KLHL11: variants seen among roughly 807,000 people sequenced by gnomAD.
KLHL11 encodes kelch-like protein 11.
A neutral mutation model predicts 56.1 loss-of-function variants in KLHL11; 26 were observed. That is an observed-to-expected ratio of 0.46 (90% CI 0.34 to 0.64). KLHL11 has a LOEUF of 0.64. Ranked by LOEUF, KLHL11 falls within the 30% of genes least tolerant of loss-of-function variation. The pLI is 0.01. For synonymous variants in KLHL11, 338 were observed against 345.8 expected (o/e 0.98, Z 0.25); for missense variants, 627 against 919.4 (o/e 0.68, Z 4.11).
At position 41,851,979 on chromosome 17, in the gene KLHL11, T is replaced by C. The variant is rs528725723; in HGVS notation, c.*1761A>G. Among the ~76,000 whole-genome samples the C allele has an allele frequency of 1.3e-5, 2 of 151,840 alleles. No individual in the cohort carries two copies. The highest frequency in any genetic ancestry group is 1.3e-4 in the Admixed American group (2 of 15,254). Reference sequence around the variant, plus strand: ...ATAAAGCTCAGGAGACATAAGATAATTCGAATAACGTATAAAACTAAATAA... The same window carrying C: ...ATAAAGCTCAGGAGACATAAGATAACTCGAATAACGTATAAAACTAAATAA... On this transcript the variant is annotated 3_prime_UTR_variant, in exon 2 of 2. Transcript: ENST00000319121.
intron 1 of KLHL11, among the ~76,000 whole-genome samples, chr17:41,863,485 C>T (rs1315735993): frequency 6.6e-6 from 1 of 152,100 alleles, no homozygotes; most frequent in Non-Finnish European, 1.5e-5. Context: ...CGTGGGCCAC[C>T]GCGCCTGGCC....
intron 1 of KLHL11, 76 bp downstream of exon 1, chr17:41,864,750 T>C: frequency 7.2e-7 from 1 of 1,384,206 alleles, no homozygotes; most frequent in Non-Finnish European, 9.5e-7. Context: ...TGGCAGGCAC[T>C]GCCCTCCCCT....
At position 41,852,949 on chromosome 17, in the gene KLHL11, T is replaced by C. The variant is rs1005841055; in HGVS notation, c.*791A>G. On this transcript the variant is annotated 3_prime_UTR_variant, in exon 2 of 2. Transcript: ENST00000319121. ...CCTGAAAAAAATGTTGAAAAAATTTTAAATGCCTTTGATTTCCCAGTCTAC... is the reference window on the plus strand; with the variant it reads ...CCTGAAAAAAATGTTGAAAAAATTTCAAATGCCTTTGATTTCCCAGTCTAC... 6.6e-6 allele frequency among the ~76,000 whole-genome samples: 1 copy of C among 152,204 alleles called. No individual in the cohort carries two copies. The highest frequency in any genetic ancestry group is 1.5e-5 in the Non-Finnish European group (1 of 68,034).
chr17:41,859,392 C>T (rs549202134), intron 1 of KLHL11, among the ~76,000 whole-genome samples: 5 of 151,882 alleles, frequency 3.3e-5, no homozygotes, highest in South Asian at 2.1e-4. Flanking sequence ...GATGAAACCC[C>T]GTCTCTACTA....
At chr17:41,863,970 AC>A (rs2048421124) in intron 1 of KLHL11, among the ~76,000 whole-genome samples, 1 of 152,142 alleles carries the variant, frequency 6.6e-6, no homozygotes, top group Non-Finnish European at 1.5e-5. Context: ...TTACTTATTT[AC>A]CGTCCATCTA....
In KLHL11 at chr17:41,851,751, CA is replaced by C. The variant is rs1394237362; in HGVS notation, c.*1988del. Among the ~76,000 whole-genome samples, 285 of 146,456 alleles carry C rather than the reference CA, an allele frequency of 1.9e-3. 2 individuals carry two copies. The highest frequency in any genetic ancestry group is 6.8e-3 in the African/African-American group (271 of 39,930). On this transcript the variant is annotated 3_prime_UTR_variant, in exon 2 of 2. Coordinates refer to ENST00000319121, the MANE Select transcript of KLHL11 (RefSeq NM_018143.3). ...AGAAACCCCATCTCTACCAAAAATA[CA>C]AAAAAAAAATTAGCTGGGCGTGGTG... is the stretch of plus-strand genomic sequence containing the variant.
At chr17:41,855,851 T>C (rs2144154838) in intron 1 of KLHL11, among the ~76,000 whole-genome samples, 2 of 148,792 alleles carry the variant, frequency 1.3e-5, no homozygotes, top group Middle Eastern at 6.9e-3. Context: ...TTTGTACTTT[T>C]AGTAGAGACA....
chr17:41,849,971 CGCA>C lies in KLHL11; in HGVS notation c.*3766_*3768del. 6.6e-6 allele frequency: 1 copy of C among 152,152 alleles called. No individual in the cohort carries two copies. The highest frequency in any genetic ancestry group is 2.4e-5 in the African/African-American group (1 of 41,450). 9.4% of individuals were successfully genotyped at this position (152,152 alleles called of 1,614,324 possible). A position where few individuals can be genotyped will look rare whatever the true frequency, so the allele number is the denominator to read the frequency against. On this transcript the variant is annotated 3_prime_UTR_variant, in exon 2 of 2. Coordinates refer to ENST00000319121, the MANE Select transcript of KLHL11 (RefSeq NM_018143.3). ...AACAAAACAAAGGTTTGCTTGAATA[CGCA>C]TTAAGCTGTCTTTCTAAAGTCATGT...
chr17:41,863,920 C>G (rs1261002783), intron 1 of KLHL11, among the ~76,000 whole-genome samples: 1 of 152,162 alleles, frequency 6.6e-6, no homozygotes, highest in Non-Finnish European at 1.5e-5. Flanking sequence ...AATCATCCAA[C>G]AGGCTATACA....
At position 41,852,510 on chromosome 17, in the gene KLHL11, A is replaced by C. The variant is rs1555622090; in HGVS notation, c.*1230T>G. 6.6e-6 allele frequency among the ~76,000 whole-genome samples: 1 copy of C among 151,686 alleles called. No individual in the cohort carries two copies. The highest frequency in any genetic ancestry group is 2.1e-4 in the South Asian group (1 of 4,792). ...AGTTTCTTGTAGAAAAGAATAATGG[A>C]CTGGGCACGGTGGCTCATGCCTGTA... On this transcript the variant is annotated 3_prime_UTR_variant, in exon 2 of 2. Coordinates refer to ENST00000319121, the MANE Select transcript of KLHL11 (RefSeq NM_018143.3).
chr17:41,864,498 A>G (rs1325565667), intron 1 of KLHL11, among the ~76,000 whole-genome samples: 2 of 152,268 alleles, frequency 1.3e-5, no homozygotes, highest in Non-Finnish European at 2.9e-5. Context: ...TCACCTCTTC[A>G]GAAAGATCTT....
Position 41,865,128 on chromosome 17 carries a change from G to C in KLHL11, c.243C>G (p.Ser81=). 6.2e-7 allele frequency: 1 copy of C among 1,609,978 alleles called. No individual in the cohort carries two copies. ...FECSSHCSEL[S]WRQNEQRRQG... is the part of the protein sequence containing the mutation. ...GGCGCCGCTGCTCGTTCTGCCGCCA[G>C]GACAGCTCTGAGCAGTGAGAGCTGC... The change falls in exon 1 of 2, where the codon TCC becomes TCG. Residue 81 remains serine (S), a synonymous_variant. Transcript: ENST00000319121.
chr17:41,859,594 C>A (rs1315774729), intron 1 of KLHL11, among the ~76,000 whole-genome samples: 2 of 150,626 alleles, frequency 1.3e-5, no homozygotes, highest in Non-Finnish European at 3.0e-5. Flanking sequence ...ACAACAACAA[C>A]AAAAATTAGC....
In KLHL11 at chr17:41,852,778, C is replaced by CAAAAAAAAAA. The variant is rs1189323899; in HGVS notation, c.*952_*961dup. Among the ~76,000 whole-genome samples, 1 of 49,700 alleles carries CAAAAAAAAAA rather than the reference C, an allele frequency of 2.0e-5. No individual in the cohort carries two copies. The highest frequency in any genetic ancestry group is 4.5e-5 in the Non-Finnish European group (1 of 22,026). 32.6% of individuals were successfully genotyped at this position (49,700 alleles called of 152,430 possible). A position where few individuals can be genotyped will look rare whatever the true frequency, so the allele number is the denominator to read the frequency against. Reference sequence around the variant, plus strand: ...TGCACTCCAGCCTGGGCAACATGAGCAAAAAAAAAAAAAAAAAGAGAAAAG... The same window carrying CAAAAAAAAAA: ...TGCACTCCAGCCTGGGCAACATGAGCAAAAAAAAAAAAAAAAAAAAAAAAAAAGAGAAAAG... On this transcript the variant is annotated 3_prime_UTR_variant, in exon 2 of 2. Coordinates refer to ENST00000319121, the MANE Select transcript of KLHL11 (RefSeq NM_018143.3).
chr17:41,850,117 C>G lies in KLHL11; in HGVS notation c.*3623G>C, dbSNP rs1205759289. ...TGTACTTAGAACCTTTCCAAATACT[C>G]TGGGAAGTTATTTCCAGTTTAGAAT... On this transcript the variant is annotated 3_prime_UTR_variant, in exon 2 of 2. Coordinates refer to ENST00000319121, the MANE Select transcript of KLHL11 (RefSeq NM_018143.3). The G allele has an allele frequency of 6.6e-6, 1 of 152,178 alleles. No individual in the cohort carries two copies. The highest frequency in any genetic ancestry group is 2.4e-5 in the African/African-American group (1 of 41,448). 9.4% of individuals were successfully genotyped at this position (152,178 alleles called of 1,614,324 possible).
chr17:41,853,734 G>A lies in KLHL11; in HGVS notation c.*6C>T. Reference sequence around the variant, plus strand: ...TAACAGTTTTAATCGGCACGCTTGAGAGAACCTAGCATTCAATCTGAGAGC... The same window carrying A: ...TAACAGTTTTAATCGGCACGCTTGAAAGAACCTAGCATTCAATCTGAGAGC... On this transcript the variant is annotated 3_prime_UTR_variant, in exon 2 of 2. Transcript: ENST00000319121. 1 of 1,600,982 alleles carries A rather than the reference G, an allele frequency of 6.2e-7. No homozygotes were observed. Among genetic ancestry groups the A allele is most frequent in the Admixed American group, 1.7e-5 (1 of 59,248 alleles).
In KLHL11 at chr17:41,854,720, C is replaced by A; in HGVS notation, c.1147G>T (p.Asp383Tyr). ...GGCAGATTTACCCATCTGTCCTCAT[C>A]AACAAAGTATCCCACACATTCACTT... ...YLSECVGYFV[D>Y]EDRWVNLPHI... Residue 383 changes from aspartate to tyrosine, a missense_variant, in exon 2 of 2, where the codon GAT becomes TAT. By Grantham distance (160) the Asp-to-Tyr change is radical. Transcript: ENST00000319121. This position sits in a 1 kb window ranked among gnomAD's most constrained non-coding sequence, Gnocchi z 4.9. 1 of 1,614,156 alleles carries A rather than the reference C, an allele frequency of 6.2e-7. No individual in the cohort carries two copies.
intron 1 of KLHL11, among the ~76,000 whole-genome samples, chr17:41,859,389 C>T (rs931817676): frequency 6.6e-5 from 10 of 152,020 alleles, no homozygotes; most frequent in African/African-American, 2.4e-4. Context: ...CATGATGAAA[C>T]CCCGTCTCTA....
At chr17:41,861,956 C>CT (rs2048406161) in intron 1 of KLHL11, among the ~76,000 whole-genome samples, 1 of 152,176 alleles carries the variant, frequency 6.6e-6, no homozygotes, top group Non-Finnish European at 1.5e-5. Context: ...TAAAGCAAGG[C>CT]TTAACAGCTC....
Sources: allele counts gnomAD v4.1 joint callset (sites outside exome capture counted in the v4.1 genomes callset), GRCh38; gene constraint gnomAD v4.1.1; non-coding constraint Gnocchi (gnomAD v3.1); transcripts MANE v1.5; gene names NCBI Gene and HGNC (gene_info 2026-07-23, HGNC 2026-07-21).